RIN3: variants seen among roughly 807,000 people sequenced by gnomAD.
RIN3 encodes the protein Ras and Rab interactor 3.
A neutral mutation model predicts 76.3 loss-of-function variants in RIN3; 54 were observed. That is an observed-to-expected ratio of 0.71 (90% CI 0.57 to 0.89). The LOEUF is 0.89. RIN3 is among the 40% of genes least tolerant of loss of function. RIN3 has a pLI of 0.00. For synonymous variants in RIN3, 576 were observed against 564.0 expected (o/e 1.02, Z -0.30); for missense variants, 1,256 against 1,322.1 (o/e 0.95, Z 0.78).
chr14:92,560,617 G>A (rs761789109), intron 2 of RIN3, among the ~76,000 whole-genome samples: 1 of 152,156 alleles, frequency 6.6e-6, no homozygotes, highest in Non-Finnish European at 1.5e-5. Flanking sequence ...CACACAGCTG[G>A]TGAAAGCAGA....
intron 8 of RIN3, among the ~76,000 whole-genome samples, chr14:92,683,273 C>T (rs753896410): frequency 2.6e-4 from 39 of 152,266 alleles, no homozygotes; most frequent in Non-Finnish European, 4.9e-4. Context: ...AGGTGGGCGG[C>T]GCTGGGGACC....
intron 1 of RIN3, among the ~76,000 whole-genome samples, chr14:92,542,493 T>G (rs1156893905): frequency 6.6e-6 from 1 of 152,192 alleles, no homozygotes; most frequent in Non-Finnish European, 1.5e-5. Context: ...TGTAGCCACT[T>G]TGGAACACAG....
rs1023855315 is a variant in RIN3 at position 92,514,034 on chromosome 14, C to G, written c.44+58C>G. On this transcript the variant is annotated intron_variant, in intron 1 of 9. Transcript: ENST00000216487. The surrounding 1 kb of genome is among the most constrained non-coding windows in gnomAD (Gnocchi z 7.2). ...CGATCCCCACGGCCCGCGTCCTGGC[C>G]GCCCCACTCCACTTCTTGTCCCAGA... 15 of 1,113,126 alleles carry G rather than the reference C, an allele frequency of 1.3e-5. No homozygotes were observed. The highest frequency in any genetic ancestry group is 1.7e-5 in the Non-Finnish European group (15 of 877,622). The allele number at this position is 1,113,126 out of a possible 1,614,324, so 69.0% of individuals were successfully genotyped here.
In RIN3 at chr14:92,648,968, ATG is replaced by A. The variant is rs1887303229; in HGVS notation, c.533-2613_533-2612del. On this transcript the variant is annotated intron_variant, in intron 5 of 9. Transcript: ENST00000216487. The surrounding 1 kb of genome is among the most constrained non-coding windows in gnomAD (Gnocchi z 4.1). ...CCAAGACCTGCTGGTGGGGCAGCGC[ATG>A]GCACGTGGAGGAAGGAGTGAACGGC... Among the ~76,000 whole-genome samples the A allele has an allele frequency of 6.6e-6, 1 of 152,202 alleles. No homozygotes were observed. The highest frequency in any genetic ancestry group is 1.5e-5 in the Non-Finnish European group (1 of 68,030).
intron 5 of RIN3, chr14:92,644,711 G>A (rs193085564): frequency 3.3e-5 from 5 of 152,432 alleles, no homozygotes; most frequent in African/African-American, 1.2e-4. Flanking sequence ...TTCCCCTGGA[G>A]CCAAGGAAAG....
chr14:92,518,816 T>TGTGTGTGC (rs1555379442), intron 1 of RIN3, among the ~76,000 whole-genome samples: 14 of 151,132 alleles, frequency 9.3e-5, no homozygotes, highest in Non-Finnish European at 1.8e-4. Context: ...TGTGTGTGTG[T>TGTGTGTGC]GTGTGTGTGT....
chr14:92,569,338 C>T (rs1452257184), intron 2 of RIN3, among the ~76,000 whole-genome samples: 2 of 152,196 alleles, frequency 1.3e-5, no homozygotes, highest in African/African-American at 4.8e-5. Context: ...CTTTCCTCTG[C>T]AGCTTCTCCA....
At chr14:92,670,121 G>A (rs1888239254) in intron 7 of RIN3, among the ~76,000 whole-genome samples, 1 of 151,732 alleles carries the variant, frequency 6.6e-6, no homozygotes, top group South Asian at 2.1e-4. Flanking sequence ...CTGGAATTAG[G>A]GCCTTTCTAA....
At position 92,656,318 on chromosome 14, in the gene RIN3, CA is replaced by C. The variant is rs1443575670; in HGVS notation, c.2027-2842del. Among the ~76,000 whole-genome samples, 1 of 152,200 alleles carries C rather than the reference CA, an allele frequency of 6.6e-6. No homozygotes were observed. The highest frequency in any genetic ancestry group is 2.4e-5 in the African/African-American group (1 of 41,438). On this transcript the variant is annotated intron_variant, in intron 6 of 9. Transcript: ENST00000216487. This position sits in a 1 kb window ranked among gnomAD's most constrained non-coding sequence, Gnocchi z 5.2. ...GGCCATTCACACAGGCAGTGAAAGT[CA>C]GCCTGAGGATTTAGCCCAGAGGTGA...
chr14:92,669,601 T>C (rs1171165708), intron 7 of RIN3, among the ~76,000 whole-genome samples: 1 of 151,932 alleles, frequency 6.6e-6, no homozygotes, highest in African/African-American at 2.4e-5. Flanking sequence ...GCCACTGGCT[T>C]TCAGTAAGAG....
rs1017304223 is a variant in RIN3, at chr14:92,648,758, G to C, written c.533-2824G>C. Among the ~76,000 whole-genome samples, 14 of 152,228 alleles carry C rather than the reference G, an allele frequency of 9.2e-5. No homozygotes were observed. The highest frequency in any genetic ancestry group is 1.9e-4 in the Non-Finnish European group (13 of 68,044). ...CAAAAAACAGAGAATTACAGTCCCAGTGATGGTCACTGCTGTCACAGGCAT... is the reference window on the plus strand; with the variant it reads ...CAAAAAACAGAGAATTACAGTCCCACTGATGGTCACTGCTGTCACAGGCAT... On this transcript the variant is annotated intron_variant, in intron 5 of 9. Transcript: ENST00000216487. This position sits in a 1 kb window ranked among gnomAD's most constrained non-coding sequence, Gnocchi z 4.1.
chr14:92,564,592 G>GT (rs1471197013), intron 2 of RIN3, among the ~76,000 whole-genome samples: 1 of 152,230 alleles, frequency 6.6e-6, no homozygotes, highest in African/African-American at 2.4e-5. Flanking sequence ...ACCAATGTCA[G>GT]AACTAGGAAG....
intron 1 of RIN3, among the ~76,000 whole-genome samples, chr14:92,532,702 C>T (rs944048181): frequency 2.6e-5 from 4 of 152,174 alleles, no homozygotes; most frequent in Non-Finnish European, 5.9e-5. Context: ...GGTCACGGGG[C>T]CACGGTGGAA....
intron 9 of RIN3, 100 bp from the exon 10 acceptor site, chr14:92,687,826 C>A (rs1888921685): frequency 2.7e-6 from 3 of 1,126,892 alleles, no homozygotes; most frequent in Non-Finnish European, 3.6e-6. Flanking sequence ...CAGCTTGGCG[C>A]CCGCCACCCG....
chr14:92,561,151 A>ATT lies in RIN3; in HGVS notation c.249+5197_249+5198insTT, dbSNP rs1251260454. Among the ~76,000 whole-genome samples the ATT allele has an allele frequency of 6.1e-3, 239 of 39,040 alleles. 1 individual carries two copies. The highest frequency in any genetic ancestry group is 0.01 in the Non-Finnish European group (195 of 18,756). The allele number at this position is 39,040 out of a possible 152,430, so 25.6% of individuals were successfully genotyped here. A position where few individuals can be genotyped will look rare whatever the true frequency, so the allele number is the denominator to read the frequency against. ...TATTTATATTTATATATATTTTTAT[A>ATT]TATATATTTATATATATATATACCG... On this transcript the variant is annotated intron_variant, in intron 2 of 9. Coordinates refer to ENST00000216487, the MANE Select transcript of RIN3 (RefSeq NM_024832.5).
intron 3 of RIN3, among the ~76,000 whole-genome samples, chr14:92,608,016 G>A (rs540779578): frequency 6.6e-6 from 1 of 152,354 alleles, no homozygotes; most frequent in East Asian, 1.9e-4. Context: ...TAGTGATGGG[G>A]AGGGGGTAGA....
rs543034371 is a variant in RIN3, at chr14:92,561,147, T to A, written c.249+5192T>A. Among the ~76,000 whole-genome samples the A allele has an allele frequency of 7.6e-4, 28 of 36,892 alleles. 1 individual carries two copies. In the South Asian group the frequency reaches 9.0e-3, roughly 12 times the overall value. 24.2% of individuals were successfully genotyped at this position (36,892 alleles called of 152,430 possible). A position where few individuals can be genotyped will look rare whatever the true frequency, so the allele number is the denominator to read the frequency against. ...TATATATTTATATTTATATATATTT[T>A]TATATATATATTTATATATATATAT... On this transcript the variant is annotated intron_variant, in intron 2 of 9. Coordinates refer to ENST00000216487, the MANE Select transcript of RIN3 (RefSeq NM_024832.5).
intron 2 of RIN3, among the ~76,000 whole-genome samples, chr14:92,576,078 C>T (rs1211788283): frequency 1.3e-5 from 2 of 152,086 alleles, no homozygotes; most frequent in African/African-American, 4.8e-5. Context: ...AAGACAGGAG[C>T]AGGGAGGGGA....
intron 4 of RIN3, among the ~76,000 whole-genome samples, chr14:92,634,467 G>A (rs993833990): frequency 5.9e-5 from 9 of 152,262 alleles, no homozygotes; most frequent in East Asian, 5.8e-4. Flanking sequence ...CACACATCAG[G>A]AAGGTTGCTT....
Sources: allele counts gnomAD v4.1 joint callset (sites outside exome capture counted in the v4.1 genomes callset), GRCh38; gene constraint gnomAD v4.1.1; non-coding constraint Gnocchi (gnomAD v3.1); transcripts MANE v1.5; gene names NCBI Gene and HGNC (gene_info 2026-07-23, HGNC 2026-07-21).